Variants in TSHZ3 observed in about 807,000 individuals in gnomAD.
TSHZ3 encodes the protein teashirt homolog 3.
A neutral mutation model predicts 64.5 loss-of-function variants in TSHZ3; 10 were observed. That is an observed-to-expected ratio of 0.16 (90% CI 0.10 to 0.26). The LOEUF (loss-of-function observed/expected upper bound fraction) is 0.26, where lower values mean the gene tolerates loss of function less well. Among genes scored for constraint, TSHZ3 ranks in the 10% least tolerant of loss-of-function variants. The probability of loss-of-function intolerance (pLI) is 1.00; values close to 1 mark genes in which losing one functional copy is unlikely to be tolerated. For synonymous variants in TSHZ3, 608 were observed against 593.1 expected (o/e 1.03, Z -0.36); for missense variants, 1,242 against 1,421.7 (o/e 0.87, Z 2.03).
chr19:31,327,153 C>T (rs1310816402), intron 1 of TSHZ3, among the ~76,000 whole-genome samples: 1 of 152,146 alleles, frequency 6.6e-6, no homozygotes, highest in East Asian at 1.9e-4. Flanking sequence ...GAGAACAGTA[C>T]TGTAAGCCAA....
At chr19:31,298,882 G>A (rs1976707059) in intron 1 of TSHZ3, among the ~76,000 whole-genome samples, 1 of 152,152 alleles carries the variant, frequency 6.6e-6, no homozygotes, top group Non-Finnish European at 1.5e-5. Flanking sequence ...ACCGAGAGAA[G>A]GTCTCCTGAT....
At chr19:31,311,207 T>C (rs1439420695) in intron 1 of TSHZ3, among the ~76,000 whole-genome samples, 1 of 152,206 alleles carries the variant, frequency 6.6e-6, no homozygotes, top group Non-Finnish European at 1.5e-5. Context: ...GCAGATAAAC[T>C]TCAAGCAAGT....
chr19:31,183,646 C>T (rs375781264), intron 5 of TSHZ3, among the ~76,000 whole-genome samples: 56 of 152,198 alleles, frequency 3.7e-4, no homozygotes, highest in African/African-American at 1.3e-3. Context: ...GTTTTAAAGG[C>T]GTCTTGATCC....
At chr19:31,157,921 G>A (rs1230054769) in intron 5 of TSHZ3, among the ~76,000 whole-genome samples, 1 of 152,188 alleles carries the variant, frequency 6.6e-6, no homozygotes, top group Non-Finnish European at 1.5e-5. Flanking sequence ...GCTTTTCCCA[G>A]CCCTGCCTCA....
chr19:31,191,625 G>A (rs113773593), intron 5 of TSHZ3, among the ~76,000 whole-genome samples: 154 of 152,264 alleles, frequency 1.0e-3, no homozygotes, highest in African/African-American at 3.5e-3. Context: ...GGCAGGCTGA[G>A]GTGGGAGGTT....
chr19:31,215,273 G>A (rs1487386714), intron 4 of TSHZ3, among the ~76,000 whole-genome samples: 1 of 152,168 alleles, frequency 6.6e-6, no homozygotes, highest in Non-Finnish European at 1.5e-5. Flanking sequence ...AGAATCATCT[G>A]TCATAAATTG....
At chr19:31,173,380 A>C (rs528173428) in intron 5 of TSHZ3, among the ~76,000 whole-genome samples, 1 of 152,342 alleles carries the variant, frequency 6.6e-6, no homozygotes, top group East Asian at 1.9e-4. Flanking sequence ...CAATAAATCT[A>C]CATTTACTCT....
At chr19:31,244,717 C>T (rs1185223682) in intron 1 of TSHZ3, among the ~76,000 whole-genome samples, 1 of 152,138 alleles carries the variant, frequency 6.6e-6, no homozygotes, top group Non-Finnish European at 1.5e-5. Context: ...GATCTCAGCT[C>T]ATTGCTGCCT....
chr19:31,288,955 T>C (rs958911121), intron 1 of TSHZ3, among the ~76,000 whole-genome samples: 5 of 152,220 alleles, frequency 3.3e-5, no homozygotes, highest in Admixed American at 3.3e-4. Flanking sequence ...CTGTGATGAC[T>C]GACTTCACAT....
At chr19:31,274,872 C>T (rs929546254), downstream of TSHZ3, 4 of 152,254 alleles carry the variant, frequency 2.6e-5, no homozygotes, top group Non-Finnish European at 1.5e-5. Context: ...ATAAACAGAT[C>T]GCATACAATT....
intron 5 of TSHZ3, among the ~76,000 whole-genome samples, chr19:31,168,147 T>C (rs929877467): frequency 4.6e-5 from 7 of 152,198 alleles, no homozygotes; most frequent in African/African-American, 1.4e-4. Flanking sequence ...ATAATTGATC[T>C]AGTATTTTTT....
At chr19:31,176,800 T>C (rs1244641268) in intron 5 of TSHZ3, among the ~76,000 whole-genome samples, 1 of 151,340 alleles carries the variant, frequency 6.6e-6, no homozygotes, top group South Asian at 2.1e-4. Context: ...AAAAAGGAAA[T>C]ACTGAAAAAC....
chr19:31,256,865 CCACAG>C, intron 1 of TSHZ3, among the ~76,000 whole-genome samples: 1 of 152,252 alleles, frequency 6.6e-6, no homozygotes, highest in South Asian at 2.1e-4. Context: ...GATCTCCATC[CCACAG>C]CATTGTCCTA....
At chr19:31,184,297 C>G (rs919152017) in intron 5 of TSHZ3, among the ~76,000 whole-genome samples, 8 of 152,206 alleles carry the variant, frequency 5.3e-5, no homozygotes, top group African/African-American at 1.9e-4. Flanking sequence ...GTGAAGAGCC[C>G]TATTTCATGT....
At chr19:31,185,645 C>T (rs542752373) in intron 5 of TSHZ3, among the ~76,000 whole-genome samples, 83 of 152,256 alleles carry the variant, frequency 5.5e-4, no homozygotes, top group Admixed American at 1.0e-3. Flanking sequence ...ATCTTGTCTT[C>T]CCCAGAGACA....
At chr19:31,169,767 G>A (rs1339684095) in intron 5 of TSHZ3, among the ~76,000 whole-genome samples, 1 of 152,182 alleles carries the variant, frequency 6.6e-6, no homozygotes, top group African/African-American at 2.4e-5. Context: ...TTGGCCATGT[G>A]TCCTTTGAGC....
intron 1 of TSHZ3, among the ~76,000 whole-genome samples, chr19:31,242,917 T>C (rs1975713825): frequency 2.0e-5 from 3 of 152,106 alleles, no homozygotes; most frequent in Non-Finnish European, 4.4e-5. Flanking sequence ...CTCTGCCTTT[T>C]TGTTCTATTT....
rs757438370 is a variant in TSHZ3, at chr19:31,278,487, T to A, written c.1306A>T (p.Thr436Ser). The change falls in exon 2 of 2, where the codon ACC becomes TCC. Residue 436 changes from threonine (T) to serine (S), a missense_variant. Thr to Ser is a moderately conservative substitution (Grantham distance 58, BLOSUM62 1). Coordinates refer to ENST00000240587, the MANE Select transcript of TSHZ3 (RefSeq NM_020856.4). The surrounding 1 kb of genome is among the most constrained non-coding windows in gnomAD (Gnocchi z 4.7). ...VETPVTPTITTLLDEKVQSVP... is the reference protein window; with the variant it reads ...VETPVTPTITSLLDEKVQSVP... ...GACTGGACCTTCTCATCCAGCAGGG[T>A]TGTGATGGTAGGTGTGACAGGCGTC... 54 of 1,613,668 alleles carry A rather than the reference T, an allele frequency of 3.3e-5. No homozygotes were observed. The African/African-American group carries it at 6.6e-4, about 20-fold the overall frequency.
At chr19:31,179,273 G>T (rs1974661894) in intron 5 of TSHZ3, among the ~76,000 whole-genome samples, 1 of 152,176 alleles carries the variant, frequency 6.6e-6, no homozygotes, top group Non-Finnish European at 1.5e-5. Context: ...AGAGAGAGCT[G>T]TCCAGTGGAA....
Sources: gnomAD v4.1 joint callset for allele counts (sites outside exome capture counted in the v4.1 genomes callset) on GRCh38, gnomAD v4.1.1 for gene constraint, Gnocchi (gnomAD v3.1) non-coding constraint, MANE v1.5 for transcripts, NCBI Gene and HGNC (gene_info 2026-07-23, HGNC 2026-07-21) for gene names.